CLVS1: variants seen among roughly 807,000 people sequenced by gnomAD.
The protein encoded by CLVS1 is clavesin-1.
CLVS1 carries 10 observed loss-of-function variants against 33.1 expected under a neutral mutation model. That is an observed-to-expected ratio of 0.30 (90% CI 0.19 to 0.51). The LOEUF is 0.51. Among genes scored for constraint, CLVS1 ranks in the 20% least tolerant of loss-of-function variants. The pLI, the probability that CLVS1 is intolerant of heterozygous loss-of-function variation, is 0.97. For missense variants in CLVS1, 343 were observed against 433.4 expected (o/e 0.79, Z 1.85); for synonymous variants, 163 against 166.1 (o/e 0.98, Z 0.14).
chr8:61,140,421 C>T (rs973317538), intron 2 of CLVS1, among the ~76,000 whole-genome samples: 1 of 152,152 alleles, frequency 6.6e-6, no homozygotes, highest in Non-Finnish European at 1.5e-5. Context: ...TTTCTTCCGT[C>T]CTATTAGAAG....
the CLVS1 span, among the ~76,000 whole-genome samples, chr8:60,983,463 G>A: frequency 6.6e-6 from 1 of 152,200 alleles, no homozygotes; most frequent in African/African-American, 2.4e-5. Flanking sequence ...GGGAGGGCAA[G>A]GGAACCAAGG....
At chr8:61,000,659 A>C in the CLVS1 span, among the ~76,000 whole-genome samples, 4 of 152,212 alleles carry the variant, frequency 2.6e-5, no homozygotes, top group African/African-American at 4.8e-5. Flanking sequence ...CTTGTGACAA[A>C]GGCTGAATTT....
chr8:61,290,821 G>A (rs1209406391), intron 1 of CLVS1, among the ~76,000 whole-genome samples: 1 of 152,154 alleles, frequency 6.6e-6, no homozygotes, highest in Non-Finnish European at 1.5e-5. Context: ...CCTCAACATT[G>A]CCAAGAGAGA....
chr8:61,229,820 AG>A (rs1370172637), intron 2 of CLVS1, among the ~76,000 whole-genome samples: 2 of 152,134 alleles, frequency 1.3e-5, no homozygotes, highest in African/African-American at 4.8e-5. Context: ...GGTAGAGAGA[AG>A]GTTTCGCCAT....
intron 1 of CLVS1, among the ~76,000 whole-genome samples, chr8:61,095,481 T>G (rs1343503863): frequency 1.3e-5 from 2 of 152,046 alleles, no homozygotes; most frequent in Non-Finnish European, 2.9e-5. Context: ...GCCTAGGAGG[T>G]GCTGGGTAGG....
intron 2 of CLVS1, among the ~76,000 whole-genome samples, chr8:61,255,721 G>A (rs191682864): frequency 3.3e-5 from 5 of 152,186 alleles, no homozygotes; most frequent in South Asian, 2.1e-4. Flanking sequence ...AGGGCAGCAC[G>A]TTTTGTACTA....
chr8:61,381,801 T>C (rs966049781), intron 3 of CLVS1, among the ~76,000 whole-genome samples: 2 of 152,208 alleles, frequency 1.3e-5, no homozygotes, highest in Admixed American at 6.5e-5. Flanking sequence ...TACTATTCCA[T>C]AGTGTATATT....
chr8:61,423,279 T>C (rs1264666957), intron 3 of CLVS1, among the ~76,000 whole-genome samples: 2 of 152,214 alleles, frequency 1.3e-5, no homozygotes, highest in Non-Finnish European at 2.9e-5. Flanking sequence ...AAGTTCCCAC[T>C]GCTTTAACAT....
At chr8:60,986,292 T>C in the CLVS1 span, among the ~76,000 whole-genome samples, 1 of 152,178 alleles carries the variant, frequency 6.6e-6, no homozygotes, top group Non-Finnish European at 1.5e-5. Context: ...AAACCTTGAG[T>C]AGTTATCTCC....
chr8:61,155,230 C>T (rs542469274), intron 2 of CLVS1, among the ~76,000 whole-genome samples: 2 of 152,314 alleles, frequency 1.3e-5, no homozygotes, highest in African/African-American at 4.8e-5. Flanking sequence ...AAAGGATACG[C>T]ATAGCACCTC....
intron 2 of CLVS1, among the ~76,000 whole-genome samples, chr8:61,147,790 T>C (rs1229055793): frequency 2.0e-5 from 3 of 152,244 alleles, no homozygotes; most frequent in African/African-American, 4.8e-5. Context: ...GAGTCTGTTA[T>C]GGTTTATACA....
At chr8:61,119,469 G>A (rs1323940626) in intron 1 of CLVS1, among the ~76,000 whole-genome samples, 10 of 148,564 alleles carry the variant, frequency 6.7e-5, no homozygotes, top group Admixed American at 4.0e-4. Context: ...TCCTAGTCTC[G>A]ATGGTCTTTA....
At chr8:61,044,732 G>A in the CLVS1 span, among the ~76,000 whole-genome samples, 1 of 152,138 alleles carries the variant, frequency 6.6e-6, no homozygotes, top group South Asian at 2.1e-4. Flanking sequence ...TCCTTCAATC[G>A]GTAGAGTCTC....
intron 2 of CLVS1, among the ~76,000 whole-genome samples, chr8:61,140,831 A>T (rs1015415030): frequency 6.6e-6 from 1 of 152,090 alleles, no homozygotes; most frequent in Non-Finnish European, 1.5e-5. Flanking sequence ...CTCCCAAAGT[A>T]CTGGGATTAC....
intron 2 of CLVS1, among the ~76,000 whole-genome samples, chr8:61,373,308 G>T (rs1813513747): frequency 6.6e-6 from 1 of 152,182 alleles, no homozygotes; most frequent in African/African-American, 2.4e-5. Context: ...TTTCCTGCCT[G>T]CCCAGTTTCT....
chr8:61,194,590 A>G (rs1273115293), intron 2 of CLVS1, among the ~76,000 whole-genome samples: 1 of 152,026 alleles, frequency 6.6e-6, no homozygotes, highest in Non-Finnish European at 1.5e-5. Flanking sequence ...AGGGAAATAG[A>G]TAAATAAATA....
chr8:61,410,073 T>G (rs73682297), intron 3 of CLVS1, among the ~76,000 whole-genome samples: 2,925 of 150,348 alleles, frequency 0.019, 96 homozygotes, highest in African/African-American at 0.066. Context: ...GAGGTTTTTT[T>G]TTTTTTTTTT....
chr8:61,162,145 T>C (rs974758969), intron 2 of CLVS1, among the ~76,000 whole-genome samples: 1 of 152,230 alleles, frequency 6.6e-6, no homozygotes, highest in Admixed American at 6.5e-5. Context: ...TTTAAGCTCA[T>C]TCAATCACTC....
At chr8:61,232,677 C>T (rs10088692) in intron 2 of CLVS1, among the ~76,000 whole-genome samples, 33,033 of 152,100 alleles carry the variant, frequency 0.22, 6,232 homozygotes, top group East Asian at 0.69. Context: ...TAGAAACTTA[C>T]TGAACAACTC....
Sources: gnomAD v4.1 joint callset for allele counts (sites outside exome capture counted in the v4.1 genomes callset) on GRCh38, gnomAD v4.1.1 for gene constraint, MANE v1.5 for transcripts, NCBI Gene and HGNC (gene_info 2026-07-23, HGNC 2026-07-21) for gene names.